Variants in MSRA observed in about 807,000 individuals in gnomAD.
The protein encoded by MSRA is mitochondrial peptide methionine sulfoxide reductase.
A neutral mutation model predicts 31.3 loss-of-function variants in MSRA; 54 were observed. That is an observed-to-expected ratio of 1.73 (90% CI 1.39 to 2.17). The LOEUF is 2.17. MSRA is among the 30% of genes most tolerant of loss of function. The pLI is 0.00. For missense variants in MSRA, 507 were observed against 300.9 expected (o/e 1.69, Z -5.07); for synonymous variants, 169 against 116.5 (o/e 1.45, Z -2.90).
intron 4 of MSRA, among the ~76,000 whole-genome samples, chr8:10,308,415 T>A (rs1442198705): frequency 5.3e-5 from 8 of 152,146 alleles, no homozygotes; most frequent in Admixed American, 5.2e-4. Flanking sequence ...CAGGCCTCAT[T>A]TCTCTCTATC....
chr8:10,207,439 G>C (rs1348327072), intron 1 of MSRA, among the ~76,000 whole-genome samples: 1 of 152,206 alleles, frequency 6.6e-6, no homozygotes, highest in Non-Finnish European at 1.5e-5. Context: ...TCAGTGTTCT[G>C]ATTGTTAGGA....
Position 10,321,457 on chromosome 8 carries a change from C to G in MSRA, c.543+1468C>G, listed in dbSNP as rs374478088. ...GGCCTGAGGGAGGCGCTGACAGAGCCCATTCCTTCCTTGGCCCCTCCCACC... is the reference window on the plus strand; with the variant it reads ...GGCCTGAGGGAGGCGCTGACAGAGCGCATTCCTTCCTTGGCCCCTCCCACC... On this transcript the variant is annotated intron_variant, in intron 5 of 5. Transcript: ENST00000317173. 6.6e-5 allele frequency among the ~76,000 whole-genome samples: 10 copies of G among 152,124 alleles called. No individual in the cohort carries two copies. The East Asian group carries it at 1.8e-3, about 27-fold the overall frequency.
In MSRA at chr8:10,083,094, A is replaced by G. The variant is rs1310052690; in HGVS notation, c.142+28436A>G. Among the ~76,000 whole-genome samples the G allele has an allele frequency of 4.9e-5, 7 of 143,414 alleles. No homozygotes were observed. The South Asian group carries it at 7.3e-4, about 15-fold the overall frequency. The allele number at this position is 143,414 out of a possible 152,430, so 94.1% of individuals were successfully genotyped here. A position where few individuals can be genotyped will look rare whatever the true frequency, so the allele number is the denominator to read the frequency against. On this transcript the variant is annotated intron_variant, in intron 1 of 5. Coordinates refer to ENST00000317173, the MANE Select transcript of MSRA (RefSeq NM_012331.5). ...CATACTTACATTCTTTGTTGCATAC[A>G]TAGCATTTAAATTGTGACTCTCATC...
intron 5 of MSRA, among the ~76,000 whole-genome samples, chr8:10,375,854 A>G (rs569373898): frequency 7.2e-5 from 11 of 152,266 alleles, no homozygotes; most frequent in African/African-American, 2.6e-4. Context: ...TGAAGGAGAG[A>G]ATTCCCCCGA....
intron 1 of MSRA, among the ~76,000 whole-genome samples, chr8:10,114,543 G>A (rs1467483541): frequency 6.6e-6 from 1 of 152,172 alleles, no homozygotes; most frequent in Non-Finnish European, 1.5e-5. Flanking sequence ...GCTAATGGGT[G>A]TGAAGTGGTA....
intron 5 of MSRA, among the ~76,000 whole-genome samples, chr8:10,322,363 G>A (rs1802091032): frequency 7.1e-6 from 1 of 140,634 alleles, no homozygotes; most frequent in Non-Finnish European, 1.6e-5. Context: ...CTTTGTCTAG[G>A]ATGGTGGAAG....
intron 1 of MSRA, among the ~76,000 whole-genome samples, chr8:10,183,313 C>G (rs1484837839): frequency 6.6e-6 from 1 of 152,192 alleles, no homozygotes; most frequent in East Asian, 1.9e-4. Flanking sequence ...CAACCGAAGA[C>G]AGACCTGCAA....
chr8:10,151,681 G>T (rs1004326684), intron 1 of MSRA, among the ~76,000 whole-genome samples: 2 of 152,104 alleles, frequency 1.3e-5, no homozygotes, highest in Middle Eastern at 3.2e-3. Context: ...GAACATTCTA[G>T]CAGGAGAAAG....
At chr8:10,366,693 G>C (rs1282686323) in intron 5 of MSRA, among the ~76,000 whole-genome samples, 1 of 152,164 alleles carries the variant, frequency 6.6e-6, no homozygotes, top group Non-Finnish European at 1.5e-5. Context: ...AGGCTTCGTT[G>C]CTGGGGACGT....
chr8:10,403,841 C>T (rs1807622938), intron 5 of MSRA, among the ~76,000 whole-genome samples: 2 of 152,204 alleles, frequency 1.3e-5, no homozygotes, highest in Non-Finnish European at 2.9e-5. Context: ...TGAGTTGCCT[C>T]ACCTCTTCAG....
chr8:10,159,217 C>T (rs192546389), intron 1 of MSRA, among the ~76,000 whole-genome samples: 9 of 152,264 alleles, frequency 5.9e-5, no homozygotes, highest in South Asian at 4.1e-4. Flanking sequence ...GATTGGGGAG[C>T]GCTGAAACTG....
At chr8:10,406,209 A>T (rs1238379224) in intron 5 of MSRA, among the ~76,000 whole-genome samples, 1 of 152,348 alleles carries the variant, frequency 6.6e-6, no homozygotes, top group East Asian at 1.9e-4. Flanking sequence ...GGTCTCGCAG[A>T]AAGTCTACCG....
intron 1 of MSRA, among the ~76,000 whole-genome samples, chr8:10,111,481 G>A (rs1384921743): frequency 6.6e-6 from 1 of 152,138 alleles, no homozygotes. Flanking sequence ...TTTATGATTT[G>A]TCGATCTTTT....
At chr8:10,137,499 C>A (rs1802370563) in intron 1 of MSRA, among the ~76,000 whole-genome samples, 1 of 152,092 alleles carries the variant, frequency 6.6e-6, no homozygotes, top group Non-Finnish European at 1.5e-5. Context: ...TTGTGGTATA[C>A]TGGGAAATAA....
chr8:10,281,682 A>G (rs1000075997), intron 3 of MSRA, among the ~76,000 whole-genome samples: 3 of 152,148 alleles, frequency 2.0e-5, no homozygotes, highest in Middle Eastern at 3.2e-3. Context: ...AATCTACACA[A>G]TGACCGGGTT....
At chr8:10,176,238 C>G (rs1444624690) in intron 1 of MSRA, among the ~76,000 whole-genome samples, 1 of 152,224 alleles carries the variant, frequency 6.6e-6, no homozygotes, top group Non-Finnish European at 1.5e-5. Flanking sequence ...TTCAGGAGAG[C>G]CTGCCTGTGG....
At chr8:10,255,028 G>A (rs1798104453) in intron 3 of MSRA, among the ~76,000 whole-genome samples, 1 of 152,218 alleles carries the variant, frequency 6.6e-6, no homozygotes, top group Non-Finnish European at 1.5e-5. Context: ...TTGCACAGAA[G>A]TCTATTAAAA....
intron 1 of MSRA, among the ~76,000 whole-genome samples, chr8:10,129,291 A>G (rs983222436): frequency 3.9e-5 from 6 of 152,204 alleles, no homozygotes; most frequent in Non-Finnish European, 8.8e-5. Context: ...AAGGATGTAA[A>G]GAGAAACAAA....
intron 1 of MSRA, among the ~76,000 whole-genome samples, chr8:10,105,105 C>T (rs139713173): frequency 5.5e-4 from 84 of 152,284 alleles, no homozygotes; most frequent in Non-Finnish European, 1.1e-3. Context: ...ATATGCTTTG[C>T]ACAGTATTCT....
Sources: gnomAD v4.1 joint callset for allele counts (sites outside exome capture counted in the v4.1 genomes callset) on GRCh38, gnomAD v4.1.1 for gene constraint, MANE v1.5 for transcripts, NCBI Gene and HGNC (gene_info 2026-07-23, HGNC 2026-07-21) for gene names.